Variants in MGAT4A observed in about 807,000 individuals in gnomAD.
MGAT4A encodes the protein alpha-1,3-mannosyl-glycoprotein 4-beta-N-acetylglucosaminyltransferase A.
MGAT4A carries 33 observed loss-of-function variants against 74.1 expected under a neutral mutation model. The ratio of observed to expected loss-of-function variants is 0.45; its 90% CI spans 0.34 to 0.60. The LOEUF (loss-of-function observed/expected upper bound fraction) is 0.60, where lower values mean the gene tolerates loss of function less well. Ranked by LOEUF, MGAT4A falls within the 20% of genes least tolerant of loss-of-function variation. The pLI, the probability that MGAT4A is intolerant of heterozygous loss-of-function variation, is 0.02. For synonymous variants in MGAT4A, 198 were observed against 210.4 expected (o/e 0.94, Z 0.51); for missense variants, 479 against 628.3 (o/e 0.76, Z 2.54).
At chr2:98,716,145 C>A (rs1032619868) in intron 2 of MGAT4A, among the ~76,000 whole-genome samples, 13 of 147,472 alleles carry the variant, frequency 8.8e-5, no homozygotes, top group Admixed American at 6.0e-4. Context: ...ACAGTGAGAC[C>A]CTGTCTCTAC....
intron 7 of MGAT4A, chr2:98,656,075 C>T: frequency 2.8e-6 from 1 of 360,880 alleles, no homozygotes; most frequent in Non-Finnish European, 5.0e-6. Flanking sequence ...GTATTAAACC[C>T]TGTCAGTGAA....
intron 2 of MGAT4A, among the ~76,000 whole-genome samples, chr2:98,708,588 G>A (rs1433950555): frequency 6.6e-6 from 1 of 152,214 alleles, no homozygotes; most frequent in African/African-American, 2.4e-5. Context: ...GTTAACACGT[G>A]CCTCTTCCAG....
At chr2:98,678,578 G>A (rs905099396) in intron 2 of MGAT4A, 107 bp from the exon 3 acceptor site, 2 of 646,548 alleles carry the variant, frequency 3.1e-6, no homozygotes, top group East Asian at 3.5e-5. Context: ...TTTTTCAGAA[G>A]AAAATATTCA....
chr2:98,702,512 T>C (rs986719040), intron 2 of MGAT4A, among the ~76,000 whole-genome samples: 8 of 152,162 alleles, frequency 5.3e-5, no homozygotes, highest in African/African-American at 1.4e-4. Context: ...CAGACAGCAG[T>C]GCAGGCCCAC....
At position 98,633,729 on chromosome 2, in the gene MGAT4A, T is replaced by C. The variant is rs536241307; in HGVS notation, c.1468+1493A>G. On this transcript the variant is annotated intron_variant, in intron 14 of 15. Transcript: ENST00000393487. ...TTAGATGGTCATTTTCTTCAATTAC[T>C]ATAGAGATATTTAATATAGATGTCT... 1.5e-4 allele frequency among the ~76,000 whole-genome samples: 23 copies of C among 152,332 alleles called. 1 individual carries two copies. The South Asian group carries it at 4.8e-3, about 32-fold the overall frequency.
chr2:98,668,926 T>C (rs1401912319), intron 4 of MGAT4A, among the ~76,000 whole-genome samples: 1 of 152,234 alleles, frequency 6.6e-6, no homozygotes, highest in Admixed American at 6.5e-5. Flanking sequence ...GGCCAATTTC[T>C]TCCATTTGGA....
intron 4 of MGAT4A, among the ~76,000 whole-genome samples, chr2:98,672,166 C>T (rs537174025): frequency 6.6e-6 from 1 of 152,272 alleles, no homozygotes; most frequent in East Asian, 1.9e-4. Flanking sequence ...CTACCAGCCT[C>T]AGGCCAAACG....
At chr2:98,721,629 C>T (rs190932910) in intron 2 of MGAT4A, among the ~76,000 whole-genome samples, 10 of 151,844 alleles carry the variant, frequency 6.6e-5, no homozygotes, top group African/African-American at 2.4e-4. Flanking sequence ...TACAACAATA[C>T]CCCCCAAAAG....
At position 98,665,912 on chromosome 2, in the gene MGAT4A, G is replaced by A. The variant is rs993201941; in HGVS notation, c.404-2733C>T. ...AGAAATACCAAGAGCAGGTTGGATC[G>A]AAAGCAGAATAAGCCCAGATTGAGA... On this transcript the variant is annotated intron_variant, in intron 4 of 15. Transcript: ENST00000393487. 1.5e-4 allele frequency among the ~76,000 whole-genome samples: 23 copies of A among 152,238 alleles called. 1 individual carries two copies. The highest frequency in any genetic ancestry group is 2.4e-5 in the African/African-American group (1 of 41,458).
chr2:98,648,331 T>C (rs949046482), intron 8 of MGAT4A, among the ~76,000 whole-genome samples: 1 of 152,012 alleles, frequency 6.6e-6, no homozygotes, highest in Non-Finnish European at 1.5e-5. Context: ...AAACCCTGTC[T>C]CCACTAAAAA....
At chr2:98,682,434 A>AAAC (rs1702073660) in intron 2 of MGAT4A, among the ~76,000 whole-genome samples, 1 of 150,794 alleles carries the variant, frequency 6.6e-6, no homozygotes, top group Non-Finnish European at 1.5e-5. Flanking sequence ...AAAAAAAAAA[A>AAAC]AAAAAAAAAA....
intron 4 of MGAT4A, among the ~76,000 whole-genome samples, chr2:98,670,218 A>G (rs772478774): frequency 6.6e-6 from 1 of 152,196 alleles, no homozygotes; most frequent in Non-Finnish European, 1.5e-5. Flanking sequence ...GAAACCAAAC[A>G]GAAACAGAGC....
At chr2:98,654,772 T>C (rs1298716115) in intron 8 of MGAT4A, among the ~76,000 whole-genome samples, 1 of 152,096 alleles carries the variant, frequency 6.6e-6, no homozygotes. Flanking sequence ...TCCCAAGGCA[T>C]TTTTTACAGA....
At chr2:98,730,942 G>C (rs942382138) in intron 1 of MGAT4A, 106 bp downstream of exon 1, 2 of 146,676 alleles carry the variant, frequency 1.4e-5, no homozygotes, top group African/African-American at 2.5e-5. Flanking sequence ...GCCCGGGGCC[G>C]CCAGCCCGGC....
At chr2:98,667,023 G>T (rs1701841011) in intron 4 of MGAT4A, among the ~76,000 whole-genome samples, 1 of 152,138 alleles carries the variant, frequency 6.6e-6, no homozygotes, top group African/African-American at 2.4e-5. Context: ...TCTTTCCTGT[G>T]CTGTTCTCGT....
rs754017750 is a variant in MGAT4A, at chr2:98,631,727, C to T, written c.1468+3495G>A. Among the ~76,000 whole-genome samples the T allele has an allele frequency of 4.3e-4, 65 of 152,230 alleles. 2 individuals carry two copies. The highest frequency in any genetic ancestry group is 1.3e-4 in the Non-Finnish European group (9 of 68,040). On this transcript the variant is annotated intron_variant, in intron 14 of 15. Transcript: ENST00000393487. ...TGAGAGCTACTTCCACTCAATAAAA[C>T]CTGGCACTCATTCTCCAAGCCCACG...
At chr2:98,688,898 T>C (rs1299697782) in intron 2 of MGAT4A, among the ~76,000 whole-genome samples, 1 of 152,176 alleles carries the variant, frequency 6.6e-6, no homozygotes, top group African/African-American at 2.4e-5. Context: ...TATGCATAAA[T>C]AGATAAATAA....
chr2:98,704,279 G>A (rs1019772421), intron 2 of MGAT4A, among the ~76,000 whole-genome samples: 5 of 152,176 alleles, frequency 3.3e-5, no homozygotes, highest in Admixed American at 6.5e-5. Context: ...GTAAGCAGTC[G>A]CTTACATCTG....
Position 98,663,285 on chromosome 2 carries a change from G to T in MGAT4A, c.404-106C>A. ...CCCTCTCAAATTGATAGGAATAACT[G>T]ATGGATCAAAATATATTAAGTTTCA... On this transcript the variant is annotated intron_variant, in intron 4 of 15. Transcript: ENST00000393487. The T allele has an allele frequency of 2.6e-6, 4 of 1,528,524 alleles. No individual in the cohort carries two copies. In the South Asian group the frequency reaches 3.7e-5, roughly 14 times the overall value. The allele number at this position is 1,528,524 out of a possible 1,614,324, so 94.7% of individuals were successfully genotyped here.
Sources: allele counts gnomAD v4.1 joint callset (sites outside exome capture counted in the v4.1 genomes callset), GRCh38; gene constraint gnomAD v4.1.1; transcripts MANE v1.5; gene names NCBI Gene and HGNC (gene_info 2026-07-23, HGNC 2026-07-21).